Variants in EYA2 observed in about 807,000 individuals in gnomAD.
EYA2 encodes EYA transcriptional coactivator and phosphatase 2, also known as protein phosphatase EYA2.
A neutral mutation model predicts 69.2 loss-of-function variants in EYA2; 31 were observed. The observed-to-expected ratio is 0.45, with a 90% CI of 0.34 to 0.60. The LOEUF (loss-of-function observed/expected upper bound fraction) is 0.60. EYA2 is among the 20% of genes least tolerant of loss of function. EYA2 has a pLI of 0.02. For synonymous variants in EYA2, 257 were observed against 279.4 expected, an observed-to-expected ratio of 0.92 and a Z score of 0.80; for missense variants, 622 against 701.2, an observed-to-expected ratio of 0.89 and a Z score of 1.28.
intron 1 of EYA2, among the ~76,000 whole-genome samples, chr20:46,987,290 C>T (rs1169319119): frequency 1.3e-5 from 2 of 152,182 alleles, no homozygotes; most frequent in African/African-American, 2.4e-5. Flanking sequence ...AATTTCGTGT[C>T]ATTTTCACAT....
intron 1 of EYA2, among the ~76,000 whole-genome samples, chr20:46,902,911 G>C (rs989970334): frequency 6.6e-6 from 1 of 152,182 alleles, no homozygotes; most frequent in Non-Finnish European, 1.5e-5. Flanking sequence ...GAAAAAGTTT[G>C]CTGACCTCTA....
At chr20:47,095,024 T>G (rs1433577334) in intron 8 of EYA2, among the ~76,000 whole-genome samples, 3 of 152,030 alleles carry the variant, frequency 2.0e-5, no homozygotes, top group African/African-American at 7.2e-5. Flanking sequence ...AAAAAAAATT[T>G]TTTTAATTAA....
intron 1 of EYA2, among the ~76,000 whole-genome samples, chr20:46,899,074 T>G (rs1307197121): frequency 6.6e-6 from 1 of 152,182 alleles, no homozygotes; most frequent in Non-Finnish European, 1.5e-5. Context: ...ACCCCTTGAG[T>G]ATTATTATCA....
At chr20:47,089,721 A>G (rs1037973559) in intron 8 of EYA2, among the ~76,000 whole-genome samples, 5 of 152,168 alleles carry the variant, frequency 3.3e-5, no homozygotes, top group African/African-American at 1.2e-4. Context: ...GATGATTATG[A>G]TGCTCTGGAT....
chr20:46,919,462 TTATAAAGATG>T (rs1157861300), intron 1 of EYA2, among the ~76,000 whole-genome samples: 1 of 152,278 alleles, frequency 6.6e-6, no homozygotes, highest in Admixed American at 6.5e-5. Flanking sequence ...CACTTTTATG[TTATAAAGATG>T]GCTGCTTTCC....
intron 1 of EYA2, among the ~76,000 whole-genome samples, chr20:46,966,784 C>T (rs961172447): frequency 1.3e-5 from 2 of 150,622 alleles, no homozygotes; most frequent in African/African-American, 4.9e-5. Flanking sequence ...CACTGCACTC[C>T]AGCCTGGGCG....
intron 4 of EYA2, among the ~76,000 whole-genome samples, chr20:47,009,502 A>T (rs756547987): frequency 6.6e-6 from 1 of 152,244 alleles, no homozygotes; most frequent in Non-Finnish European, 1.5e-5. Context: ...GAGTAATACT[A>T]TGACACCTAT....
intron 10 of EYA2, chr20:47,161,044 G>T: frequency 3.4e-6 from 1 of 291,722 alleles, no homozygotes; most frequent in Non-Finnish European, 6.5e-6. Context: ...TCCCAGGGTG[G>T]CAGTGCAGCT....
intron 4 of EYA2, among the ~76,000 whole-genome samples, chr20:47,012,921 A>G (rs1433624079): frequency 6.6e-6 from 1 of 152,216 alleles, no homozygotes; most frequent in East Asian, 1.9e-4. Flanking sequence ...TCTCATTCTG[A>G]ACTTGTAACT....
intron 8 of EYA2, among the ~76,000 whole-genome samples, chr20:47,094,197 C>T (rs1274359640): frequency 6.6e-6 from 1 of 152,054 alleles, no homozygotes; most frequent in Non-Finnish European, 1.5e-5. Context: ...AGTAAGGGAG[C>T]CTGCACTAAA....
intron 1 of EYA2, among the ~76,000 whole-genome samples, chr20:46,959,879 C>G (rs1210320338): frequency 1.3e-5 from 2 of 152,216 alleles, no homozygotes; most frequent in African/African-American, 2.4e-5. Context: ...CTGAAACTCT[C>G]CAAGTAGCCA....
chr20:47,181,717 A>G (rs996243057), intron 14 of EYA2, among the ~76,000 whole-genome samples: 38 of 99,518 alleles, frequency 3.8e-4, no homozygotes, highest in African/African-American at 2.6e-3. Flanking sequence ...TCTAGAGCAA[A>G]AAATAAAAAA....
At chr20:46,897,408 T>G (rs1983865766) in intron 1 of EYA2, among the ~76,000 whole-genome samples, 2 of 152,324 alleles carry the variant, frequency 1.3e-5, no homozygotes, top group Non-Finnish European at 1.5e-5. Context: ...CGTGACAAGA[T>G]GACTCCTTTC....
In EYA2 at chr20:47,172,844, A is replaced by G. The variant is rs2034351927; in HGVS notation, c.1175A>G (p.Asn392Ser). Reference protein sequence around the residue: ...FRYRRVKEMYNTYKNNVGGLI... With the variant: ...FRYRRVKEMYSTYKNNVGGLI... Reference sequence around the variant, plus strand: ...TACCGGCGGGTGAAGGAGATGTACAATACCTACAAGAACAACGTTGGTGGT... The same window carrying G: ...TACCGGCGGGTGAAGGAGATGTACAGTACCTACAAGAACAACGTTGGTGGT... The change falls in exon 12 of 16, where the codon AAT becomes AGT. Residue 392 changes from asparagine (N) to serine (S), a missense_variant. This residue lies in a region of EYA2 where 257 missense variants were observed against 351.5 expected (regional missense o/e 0.73). Transcript: ENST00000327619. 25 of 1,613,352 alleles carry G rather than the reference A, an allele frequency of 1.5e-5. No homozygotes were observed. The highest frequency in any genetic ancestry group is 1.9e-5 in the Non-Finnish European group (23 of 1,179,652).
intron 5 of EYA2, among the ~76,000 whole-genome samples, chr20:47,019,649 G>A (rs972412006): frequency 1.3e-5 from 2 of 152,066 alleles, no homozygotes; most frequent in Non-Finnish European, 2.9e-5. Context: ...ATTGGCCCAT[G>A]GTGAGAAGCT....
At position 47,143,089 on chromosome 20, in the gene EYA2, A is replaced by G. The variant is rs769564846; in HGVS notation, c.919A>G (p.Met307Val). 6.2e-7 allele frequency: 1 copy of G among 1,613,942 alleles called. No individual in the cohort carries two copies. Among genetic ancestry groups the G allele is most frequent in the Non-Finnish European group, 8.5e-7 (1 of 1,179,924 alleles). Residue 307 changes from methionine to valine, a missense_variant, in exon 10 of 16, where the codon ATG becomes GTG. Met to Val is a conservative substitution (Grantham distance 21). Coordinates refer to ENST00000327619, the MANE Select transcript of EYA2 (RefSeq NM_005244.5). The stretch of plus-strand genomic sequence containing the variant: ...CACGACGTCCGTGCGCATTGGCCTT[A>G]TGATGGAAGAGATGATCTTCAACCT... The part of the protein sequence containing the change: ...DTTTSVRIGL[M>V]MEEMIFNLAD...
chr20:46,965,080 G>A (rs534018713), intron 1 of EYA2, among the ~76,000 whole-genome samples: 2 of 152,126 alleles, frequency 1.3e-5, no homozygotes, highest in African/African-American at 2.4e-5. Context: ...GTTCGAATCC[G>A]CCTCTGACAC....
intron 1 of EYA2, among the ~76,000 whole-genome samples, chr20:46,971,993 G>A (rs867619625): frequency 6.6e-6 from 1 of 152,180 alleles, no homozygotes; most frequent in South Asian, 2.1e-4. Flanking sequence ...TATATTTTAA[G>A]ATAGTGATCA....
intron 1 of EYA2, among the ~76,000 whole-genome samples, chr20:46,898,775 A>T (rs569950484): frequency 6.6e-6 from 1 of 152,330 alleles, no homozygotes; most frequent in East Asian, 1.9e-4. Context: ...TCAGAGGGGC[A>T]AGACCTTGTT....
Sources: gnomAD v4.1 joint callset for allele counts (sites outside exome capture counted in the v4.1 genomes callset) on GRCh38, gnomAD v4.1.1 for gene constraint, gnomAD v4.1.1 regional missense constraint, MANE v1.5 for transcripts, NCBI Gene and HGNC (gene_info 2026-07-23, HGNC 2026-07-21) for gene names.